ARHGAP17: variants seen among roughly 807,000 people sequenced by gnomAD.
ARHGAP17 encodes Rho GTPase activating protein 17.
Under a neutral mutation model 99.5 loss-of-function variants are expected in ARHGAP17, and 57 were observed. The ratio of observed to expected loss-of-function variants is 0.57; its 90% CI spans 0.46 to 0.71. ARHGAP17 has a LOEUF of 0.71. Ranked by LOEUF, ARHGAP17 falls within the 30% of genes least tolerant of loss-of-function variation. The probability of loss-of-function intolerance (pLI) is 0.00; values close to 1 mark genes in which losing one functional copy is unlikely to be tolerated. For missense variants in ARHGAP17, 1,000 were observed against 1,122.4 expected (o/e 0.89, Z 1.56); for synonymous variants, 417 against 429.6 (o/e 0.97, Z 0.36).
rs2051117514 is a variant in ARHGAP17, at chr16:24,935,595, G to A, written c.1769C>T (p.Pro590Leu). ...TGCTATCTGACTGTTGTTTCTCCCT[G>A]GTGCTGGCACAGCTGCAGATACAGG... is the stretch of plus-strand genomic sequence containing the variant. ...KDPVSAAVPAPGRNNSQIASG... is the reference protein window; with the variant it reads ...KDPVSAAVPALGRNNSQIASG... Residue 590 changes from proline to leucine, a missense_variant, in exon 18 of 20, where the codon CCA becomes CTA. By Grantham distance (98) the Pro-to-Leu change is moderately conservative. This residue lies in a region of ARHGAP17 where 528 missense variants were observed against 511.4 expected (regional missense o/e 1.03). Coordinates refer to ENST00000289968, the MANE Select transcript of ARHGAP17 (RefSeq NM_001006634.3). The A allele has an allele frequency of 1.2e-6, 2 of 1,614,142 alleles. No homozygotes were observed. The highest frequency in any genetic ancestry group is 4.5e-5 in the East Asian group (2 of 44,882).
At position 24,919,727 on chromosome 16, in the gene ARHGAP17, A is replaced by G. The variant is rs2050670380; in HGVS notation, c.*403T>C. 1 of 156,198 alleles carries G rather than the reference A, an allele frequency of 6.4e-6. No individual in the cohort carries two copies. The highest frequency in any genetic ancestry group is 2.4e-5 in the African/African-American group (1 of 41,548). 9.7% of individuals were successfully genotyped at this position (156,198 alleles called of 1,614,324 possible). A position where few individuals can be genotyped will look rare whatever the true frequency, so the allele number is the denominator to read the frequency against. On this transcript the variant is annotated 3_prime_UTR_variant, in exon 20 of 20. Coordinates refer to ENST00000289968, the MANE Select transcript of ARHGAP17 (RefSeq NM_001006634.3). Reference sequence around the variant, plus strand: ...AGGTAGCAGAGAGTAGGCGACTTGCATAATGAGCGCATTTTATTAAATAGA... The same window carrying G: ...AGGTAGCAGAGAGTAGGCGACTTGCGTAATGAGCGCATTTTATTAAATAGA...
intron 19 of ARHGAP17, among the ~76,000 whole-genome samples, chr16:24,922,808 T>A (rs146753896): frequency 0.019 from 2,815 of 152,002 alleles, 84 homozygotes; most frequent in African/African-American, 0.063. Flanking sequence ...CCCGAGTAGC[T>A]AGGACTACAA....
chr16:24,968,458 A>C, intron 5 of ARHGAP17, 31 bp from the exon 6 acceptor site: 1 of 1,611,334 alleles, frequency 6.2e-7, no homozygotes, highest in Non-Finnish European at 8.5e-7. Context: ...AATGGGATGC[A>C]CTTCAGGGCT....
intron 6 of ARHGAP17, among the ~76,000 whole-genome samples, chr16:24,964,801 C>G (rs1045095345): frequency 6.6e-6 from 1 of 152,124 alleles, no homozygotes; most frequent in Non-Finnish European, 1.5e-5. Flanking sequence ...AAAGTAAAAG[C>G]CAGAACTTCA....
intron 3 of ARHGAP17, among the ~76,000 whole-genome samples, chr16:24,974,622 A>C (rs978175850): frequency 2.6e-5 from 4 of 151,842 alleles, no homozygotes; most frequent in African/African-American, 9.7e-5. Flanking sequence ...AATAGGGTTG[A>C]TTTGTGTTTC....
intron 1 of ARHGAP17, among the ~76,000 whole-genome samples, chr16:24,991,143 T>G (rs9924435): frequency 0.5 from 75,669 of 152,000 alleles, 20,411 homozygotes; most frequent in African/African-American, 0.72. Flanking sequence ...GAGTCAAACA[T>G]ACCAGACTTT....
chr16:24,965,394 T>C (rs1386819372), intron 6 of ARHGAP17, among the ~76,000 whole-genome samples: 2 of 152,138 alleles, frequency 1.3e-5, no homozygotes, highest in Non-Finnish European at 2.9e-5. Flanking sequence ...GGCGTGAACC[T>C]GGGAGGCAGA....
chr16:24,954,490 C>T (rs963843363), intron 10 of ARHGAP17, 113 bp downstream of exon 10: 20 of 1,425,500 alleles, frequency 1.4e-5, no homozygotes, highest in Non-Finnish European at 1.8e-5. Flanking sequence ...ACAAAACGGA[C>T]AATGGCTGTA....
chr16:24,979,589 T>C (rs766001385), intron 1 of ARHGAP17, among the ~76,000 whole-genome samples: 23 of 152,180 alleles, frequency 1.5e-4, no homozygotes, highest in Non-Finnish European at 2.8e-4. Context: ...CTGCTATGCT[T>C]TGAACTACTA....
chr16:24,954,935 A>G (rs978339120), intron 9 of ARHGAP17: 4 of 654,312 alleles, frequency 6.1e-6, no homozygotes, highest in Middle Eastern at 4.3e-4. Context: ...TACTTGTGGA[A>G]CAGAAGCCTG....
intron 19 of ARHGAP17, among the ~76,000 whole-genome samples, chr16:24,926,117 A>AAAAAG (rs1234595935): frequency 9.6e-5 from 14 of 145,732 alleles, no homozygotes; most frequent in East Asian, 2.0e-4. Flanking sequence ...CTGAAAAAAA[A>AAAAAG]AAAAGAAAAG....
At chr16:24,958,162 GAA>G (rs1340685594) in intron 9 of ARHGAP17, among the ~76,000 whole-genome samples, 4 of 152,014 alleles carry the variant, frequency 2.6e-5, no homozygotes, top group Non-Finnish European at 4.4e-5. Context: ...TTTCTCTAGG[GAA>G]AATACCCTTG....
intron 1 of ARHGAP17, among the ~76,000 whole-genome samples, chr16:24,979,245 A>G (rs965884582): frequency 7.9e-5 from 12 of 152,228 alleles, no homozygotes; most frequent in African/African-American, 2.9e-4. Context: ...GATCCTGAGT[A>G]GTGGTTCTCA....
chr16:24,935,660 G>C lies in ARHGAP17; in HGVS notation c.1725-21C>G, dbSNP rs770479160. 8.7e-6 allele frequency: 14 copies of C among 1,612,182 alleles called. 1 individual carries two copies. The South Asian group carries it at 1.5e-4, about 18-fold the overall frequency. Reference sequence around the variant, plus strand: ...GAGGACTAAGAGGAGTAAAAGTCAAGTTAGACGTCAGACAATCCCAGCTAG... The same window carrying C: ...GAGGACTAAGAGGAGTAAAAGTCAACTTAGACGTCAGACAATCCCAGCTAG... On this transcript the variant is annotated intron_variant, in intron 17 of 19. Coordinates refer to ENST00000289968, the MANE Select transcript of ARHGAP17 (RefSeq NM_001006634.3).
At chr16:24,968,879 C>G in intron 4 of ARHGAP17, 107 bp from the exon 5 acceptor site, 2 of 940,882 alleles carry the variant, frequency 2.1e-6, no homozygotes, top group East Asian at 5.2e-5. Context: ...CATTAGGGTG[C>G]TACCTAACGA....
At chr16:24,997,375 G>A (rs1244942640) in intron 1 of ARHGAP17, among the ~76,000 whole-genome samples, 1 of 152,170 alleles carries the variant, frequency 6.6e-6, no homozygotes, top group Admixed American at 6.5e-5. Context: ...CTGGTGCAAG[G>A]CACCCAGTAC....
chr16:24,956,233 C>G (rs1293260847), intron 9 of ARHGAP17: 1 of 152,248 alleles, frequency 6.6e-6, no homozygotes, highest in Non-Finnish European at 1.5e-5. Context: ...ATGCTTCAAA[C>G]CTCTGCTGGA....
At chr16:24,979,095 C>A in intron 1 of ARHGAP17, 90 bp from the exon 2 acceptor site, 1 of 903,730 alleles carries the variant, frequency 1.1e-6, no homozygotes. Context: ...GAGTTTAAAG[C>A]AAAACAGGCA....
At chr16:24,924,622 G>A (rs1004413526) in intron 19 of ARHGAP17, among the ~76,000 whole-genome samples, 3 of 151,988 alleles carry the variant, frequency 2.0e-5, no homozygotes, top group Non-Finnish European at 2.9e-5. Flanking sequence ...CAGCACTTTG[G>A]GAGGCCGAGG....
Sources: gnomAD v4.1 joint callset for allele counts (sites outside exome capture counted in the v4.1 genomes callset) on GRCh38, gnomAD v4.1.1 for gene constraint, gnomAD v4.1.1 regional missense constraint, MANE v1.5 for transcripts, NCBI Gene and HGNC (gene_info 2026-07-23, HGNC 2026-07-21) for gene names.